The following PRR16 variants were observed in gnomAD, a reference collection of about 807,000 sequenced individuals.
PRR16 encodes proline rich 16.
A neutral mutation model predicts 18.2 loss-of-function variants in PRR16; 6 were observed. That is an observed-to-expected ratio of 0.33 (90% confidence interval 0.18 to 0.65). The LOEUF is 0.65. Among genes scored for constraint, PRR16 ranks in the 30% least tolerant of loss-of-function variants. PRR16 has a pLI of 0.74. For missense variants in PRR16, 412 were observed against 376.6 expected (o/e 1.09, Z -0.78); for synonymous variants, 151 against 147.8 (o/e 1.02, Z -0.16).
chr5:120,770,978 T>G, the PRR16 span, among the ~76,000 whole-genome samples: 1 of 142,940 alleles, frequency 7.0e-6, no homozygotes, highest in African/African-American at 2.8e-5. Flanking sequence ...ACACCTTGCA[T>G]CTTTTCTATT....
chr5:120,578,634 A>T (rs1580745896), intron 1 of PRR16, among the ~76,000 whole-genome samples: 1 of 152,252 alleles, frequency 6.6e-6, no homozygotes, highest in Non-Finnish European at 1.5e-5. Flanking sequence ...CATTTTCTTT[A>T]TCCAGTCTAT....
chr5:120,487,901 A>G (rs1002181164), intron 1 of PRR16, among the ~76,000 whole-genome samples: 3 of 152,206 alleles, frequency 2.0e-5, no homozygotes, highest in African/African-American at 4.8e-5. Flanking sequence ...ATCTATTGAT[A>G]TAATCATGCG....
At chr5:120,622,464 A>G (rs1440885944) in intron 1 of PRR16, among the ~76,000 whole-genome samples, 1 of 151,616 alleles carries the variant, frequency 6.6e-6, no homozygotes, top group African/African-American at 2.4e-5. Flanking sequence ...TATGTTATTT[A>G]TTTATTTATT....
At chr5:120,784,270 T>C in the PRR16 span, among the ~76,000 whole-genome samples, 1 of 152,210 alleles carries the variant, frequency 6.6e-6, no homozygotes, top group Non-Finnish European at 1.5e-5. Context: ...TGTTAGTTTT[T>C]TGAGGATTCT....
intron 1 of PRR16, among the ~76,000 whole-genome samples, chr5:120,572,423 A>G (rs1437483803): frequency 6.6e-6 from 1 of 152,186 alleles, no homozygotes; most frequent in African/African-American, 2.4e-5. Flanking sequence ...TTGTATTTCA[A>G]CAACTGGAGG....
chr5:120,493,184 A>G, intron 1 of PRR16, among the ~76,000 whole-genome samples: 1 of 152,004 alleles, frequency 6.6e-6, no homozygotes, highest in Non-Finnish European at 1.5e-5. Flanking sequence ...AGCAGTGTAA[A>G]ATGGTTCTCT....
the PRR16 span, among the ~76,000 whole-genome samples, chr5:120,762,966 G>A: frequency 6.6e-6 from 1 of 152,076 alleles, no homozygotes; most frequent in South Asian, 2.1e-4. Context: ...GATGGGTCTA[G>A]TGTCATTTTT....
the PRR16 span, among the ~76,000 whole-genome samples, chr5:120,778,927 ATAAAT>A: frequency 2.0e-5 from 3 of 152,192 alleles, no homozygotes; most frequent in East Asian, 1.9e-4. Flanking sequence ...GTTTCAAGTA[ATAAAT>A]TAAAAATGGA....
intron 1 of PRR16, among the ~76,000 whole-genome samples, chr5:120,646,309 A>T (rs1755600668): frequency 6.6e-6 from 1 of 151,880 alleles, no homozygotes; most frequent in Non-Finnish European, 1.5e-5. Context: ...CTGGAATTTC[A>T]TAAGGACAGG....
chr5:120,539,219 G>A (rs981694096), intron 1 of PRR16, among the ~76,000 whole-genome samples: 3 of 150,996 alleles, frequency 2.0e-5, no homozygotes, highest in Non-Finnish European at 4.4e-5. Flanking sequence ...GCAAAACAAA[G>A]AAACAGTAAA....
chr5:120,504,451 A>T (rs1750573945), intron 1 of PRR16, among the ~76,000 whole-genome samples: 1 of 152,224 alleles, frequency 6.6e-6, no homozygotes, highest in African/African-American at 2.4e-5. Flanking sequence ...TTGTGGGGAT[A>T]TATCTAAAGT....
the PRR16 span, among the ~76,000 whole-genome samples, chr5:120,783,554 A>G: frequency 9.2e-5 from 14 of 152,062 alleles, no homozygotes; most frequent in African/African-American, 3.1e-4. Flanking sequence ...CTGCCTATCT[A>G]TCTTTTAAAA....
At chr5:120,498,606 T>C (rs766608338) in intron 1 of PRR16, among the ~76,000 whole-genome samples, 5 of 151,802 alleles carry the variant, frequency 3.3e-5, no homozygotes, top group African/African-American at 4.8e-5. Context: ...GTATTTTTGT[T>C]TACTATGTTC....
the PRR16 span, among the ~76,000 whole-genome samples, chr5:120,759,332 C>A: frequency 0.27 from 40,892 of 151,830 alleles, 5,858 homozygotes; most frequent in Non-Finnish European, 0.32. Context: ...CATATCACCC[C>A]AATAATTTTA....
chr5:120,472,461 A>T (rs982273747), intron 1 of PRR16, among the ~76,000 whole-genome samples: 9 of 152,110 alleles, frequency 5.9e-5, no homozygotes, highest in Admixed American at 5.2e-4. Context: ...ACCCCTTTGA[A>T]AAAAGGAAAA....
intron 1 of PRR16, among the ~76,000 whole-genome samples, chr5:120,659,556 T>C (rs1036840707): frequency 3.9e-5 from 6 of 152,044 alleles, no homozygotes; most frequent in African/African-American, 1.4e-4. Context: ...TCTCAAACAT[T>C]TATCTTTTCT....
intron 1 of PRR16, among the ~76,000 whole-genome samples, chr5:120,487,109 A>T (rs1245884633): frequency 3.3e-5 from 5 of 152,186 alleles, no homozygotes; most frequent in Non-Finnish European, 7.3e-5. Context: ...CTTTTGGCTT[A>T]GGATTGACTT....
chr5:120,718,529 G>A, the PRR16 span, among the ~76,000 whole-genome samples: 1 of 152,074 alleles, frequency 6.6e-6, no homozygotes, highest in South Asian at 2.1e-4. Context: ...TGTTTTTTAA[G>A]GCTTATTAAA....
At chr5:120,617,354 C>T (rs1335562886) in intron 1 of PRR16, among the ~76,000 whole-genome samples, 1 of 152,048 alleles carries the variant, frequency 6.6e-6, no homozygotes, top group African/African-American at 2.4e-5. Context: ...AAGTGATGAC[C>T]ATGAATAACA....
Sources: allele counts gnomAD v4.1 joint callset (sites outside exome capture counted in the v4.1 genomes callset), GRCh38; gene constraint gnomAD v4.1.1; transcripts MANE v1.5; gene names NCBI Gene and HGNC (gene_info 2026-07-23, HGNC 2026-07-21).